Variants in PID1 observed in about 807,000 individuals in gnomAD.
PID1 encodes PTB-containing, cubilin and LRP1-interacting protein.
A neutral mutation model predicts 19.1 loss-of-function variants in PID1; 10 were observed. The observed-to-expected ratio is 0.52, with a 90% CI of 0.32 to 0.89. The LOEUF is 0.89. PID1 is among the 40% of genes least tolerant of loss of function. The pLI, the probability that PID1 is intolerant of heterozygous loss-of-function variation, is 0.03. For synonymous variants in PID1, 130 were observed against 116.0 expected, an observed-to-expected ratio of 1.12 and a Z score of -0.78; for missense variants, 248 against 285.3, an observed-to-expected ratio of 0.87 and a Z score of 0.94.
At chr2:229,079,186 T>A (rs1426163218) in intron 2 of PID1, among the ~76,000 whole-genome samples, 1 of 152,180 alleles carries the variant, frequency 6.6e-6, no homozygotes, top group East Asian at 1.9e-4. Context: ...AGGATGAGTA[T>A]CGGTCTAAGT....
intron 2 of PID1, among the ~76,000 whole-genome samples, chr2:229,138,788 C>G (rs1193118247): frequency 1.3e-5 from 2 of 150,890 alleles, no homozygotes; most frequent in Non-Finnish European, 2.9e-5. Context: ...TGGGGCTAGA[C>G]AAGTTACTTA....
intron 2 of PID1, among the ~76,000 whole-genome samples, chr2:229,155,363 G>A (rs1004330343): frequency 6.6e-5 from 10 of 151,978 alleles, no homozygotes; most frequent in Non-Finnish European, 7.4e-5. Flanking sequence ...TCAGGAGATC[G>A]AGACCATCCT....
chr2:229,117,197 T>C (rs1345338352), intron 2 of PID1, among the ~76,000 whole-genome samples: 3 of 152,166 alleles, frequency 2.0e-5, no homozygotes, highest in Non-Finnish European at 2.9e-5. Context: ...AATATAACTC[T>C]TGTACCACAA....
intron 2 of PID1, among the ~76,000 whole-genome samples, chr2:229,048,537 C>G (rs140965029): frequency 6.6e-6 from 1 of 152,006 alleles, no homozygotes; most frequent in Non-Finnish European, 1.5e-5. Context: ...AGCGAAGGAC[C>G]AGCCCAAAAT....
chr2:229,067,110 G>A (rs985366449), intron 2 of PID1, among the ~76,000 whole-genome samples: 6 of 151,988 alleles, frequency 3.9e-5, no homozygotes, highest in Non-Finnish European at 8.8e-5. Flanking sequence ...TTCACATTGG[G>A]GCAGGAAGGA....
chr2:229,259,777 T>C (rs1690407979), intron 1 of PID1, among the ~76,000 whole-genome samples: 2 of 152,174 alleles, frequency 1.3e-5, no homozygotes, highest in Non-Finnish European at 2.9e-5. Context: ...TATGAGGAGA[T>C]GAAACCTTTG....
Position 229,092,247 on chromosome 2 carries a change from C to T in PID1, c.177+63571G>A, listed in dbSNP as rs75291515. On this transcript the variant is annotated intron_variant, in intron 2 of 2. Coordinates refer to ENST00000392055, the MANE Select transcript of PID1 (RefSeq NM_001100818.2). ...TGGTCATCCAAGGGTCTCCACTGTA[C>T]GGTGGTGGTACAAAGGTGGAAAGAC... Among the ~76,000 whole-genome samples, 93 of 152,096 alleles carry T rather than the reference C, an allele frequency of 6.1e-4. 4 individuals carry two copies. The East Asian group carries it at 0.017, about 28-fold the overall frequency.
At chr2:229,147,256 G>A (rs1217122692) in intron 2 of PID1, among the ~76,000 whole-genome samples, 1 of 152,072 alleles carries the variant, frequency 6.6e-6, no homozygotes, top group African/African-American at 2.4e-5. Flanking sequence ...TTTACAAAAT[G>A]TTCCATTTAG....
At chr2:229,232,175 G>A in intron 1 of PID1, 1 of 1,404,922 alleles carries the variant, frequency 7.1e-7, no homozygotes, top group Non-Finnish European at 9.3e-7. Context: ...TGTAATCCCA[G>A]CACTCTGGGA....
chr2:229,224,431 CT>C (rs1299854706), intron 1 of PID1, among the ~76,000 whole-genome samples: 2 of 152,142 alleles, frequency 1.3e-5, no homozygotes, highest in African/African-American at 2.4e-5. Context: ...TTCACATTAT[CT>C]TTTGGGTGTC....
At chr2:229,254,641 C>G (rs1243190508) in intron 1 of PID1, among the ~76,000 whole-genome samples, 1 of 152,168 alleles carries the variant, frequency 6.6e-6, no homozygotes, top group Non-Finnish European at 1.5e-5. Context: ...GGTTTTCAGG[C>G]ACAACTAAAT....
rs539945389 is a variant in PID1, at chr2:229,024,523, G to A, written c.*1109C>T. 2 of 152,588 alleles carry A rather than the reference G, an allele frequency of 1.3e-5. No individual in the cohort carries two copies. The highest frequency in any genetic ancestry group is 6.5e-5 in the Admixed American group (1 of 15,286). 9.5% of individuals were successfully genotyped at this position (152,588 alleles called of 1,614,324 possible). A position where few individuals can be genotyped will look rare whatever the true frequency, so the allele number is the denominator to read the frequency against. ...AAGATATCATCAATTTTATGATAAC[G>A]CAATAAGATTTCCCTTTAGGTTAAG... On this transcript the variant is annotated 3_prime_UTR_variant, in exon 3 of 3. Transcript: ENST00000392055.
intron 2 of PID1, among the ~76,000 whole-genome samples, chr2:229,045,394 C>A (rs1693855395): frequency 6.6e-6 from 1 of 152,154 alleles, no homozygotes; most frequent in African/African-American, 2.4e-5. Flanking sequence ...ATAAAGATGT[C>A]CATGTAACCT....
intron 2 of PID1, among the ~76,000 whole-genome samples, chr2:229,041,002 T>C (rs921504684): frequency 3.3e-5 from 5 of 152,196 alleles, no homozygotes; most frequent in African/African-American, 9.7e-5. Context: ...TGGCTTTCAA[T>C]ATATCTAGAT....
intron 2 of PID1, among the ~76,000 whole-genome samples, chr2:229,037,461 T>C (rs1040624833): frequency 3.3e-5 from 5 of 152,144 alleles, no homozygotes; most frequent in Non-Finnish European, 7.4e-5. Context: ...GCAGGGTGAC[T>C]TGAGATTTTG....
intron 1 of PID1, among the ~76,000 whole-genome samples, chr2:229,246,671 A>G (rs1690011619): frequency 6.6e-6 from 1 of 152,196 alleles, no homozygotes; most frequent in Non-Finnish European, 1.5e-5. Context: ...TTGCTCAACA[A>G]AACTCACTAG....
intron 2 of PID1, among the ~76,000 whole-genome samples, chr2:229,050,024 G>A (rs541816944): frequency 4.1e-4 from 62 of 152,098 alleles, no homozygotes; most frequent in African/African-American, 1.4e-3. Flanking sequence ...TTCTATAAAC[G>A]TTAATTATAA....
At chr2:229,209,959 T>C (rs576083000) in intron 1 of PID1, among the ~76,000 whole-genome samples, 119 of 152,120 alleles carry the variant, frequency 7.8e-4, no homozygotes, top group African/African-American at 2.8e-3. Flanking sequence ...CCAAGGAAAA[T>C]GAACATACAT....
chr2:229,250,570 G>A (rs951304001), intron 1 of PID1, among the ~76,000 whole-genome samples: 1 of 152,190 alleles, frequency 6.6e-6, no homozygotes, highest in Non-Finnish European at 1.5e-5. Context: ...CAGCACCTGT[G>A]GTAGAGGTGG....
Sources: gnomAD v4.1 joint callset for allele counts (sites outside exome capture counted in the v4.1 genomes callset) on GRCh38, gnomAD v4.1.1 for gene constraint, MANE v1.5 for transcripts, NCBI Gene and HGNC (gene_info 2026-07-23, HGNC 2026-07-21) for gene names.